Variants in MOB3B observed in about 807,000 individuals in gnomAD.
MOB3B encodes MOB kinase activator-like 2B.
MOB3B carries 7 observed loss-of-function variants against 18.7 expected under a neutral mutation model. The observed-to-expected ratio is 0.37, with a 90% confidence interval of 0.21 to 0.70. The LOEUF is 0.70. Among genes scored for constraint, MOB3B ranks in the 30% least tolerant of loss-of-function variants. The pLI is 0.52. For missense variants in MOB3B, 253 were observed against 281.3 expected (o/e 0.90, Z 0.72); for synonymous variants, 111 against 99.9 (o/e 1.11, Z -0.66).
chr9:27,523,554 C>T (rs1820375731), intron 1 of MOB3B, among the ~76,000 whole-genome samples: 1 of 152,030 alleles, frequency 6.6e-6, no homozygotes, highest in Non-Finnish European at 1.5e-5. Flanking sequence ...ATAAAACCCC[C>T]TCCAGGACTT....
At chr9:27,418,003 A>G (rs1822180435) in intron 2 of MOB3B, among the ~76,000 whole-genome samples, 1 of 145,070 alleles carries the variant, frequency 6.9e-6, no homozygotes, top group Non-Finnish European at 1.5e-5. Context: ...GAGGCAGGAG[A>G]ATAGCTTGAA....
At chr9:27,428,801 C>A (rs900916040) in intron 2 of MOB3B, among the ~76,000 whole-genome samples, 1 of 152,276 alleles carries the variant, frequency 6.6e-6, no homozygotes, top group South Asian at 2.1e-4. Flanking sequence ...TGGGCTGGAA[C>A]AATGGTAACC....
rs561784187 is a variant in MOB3B at position 27,517,701 on chromosome 9, T to C, written c.-199+11854A>G. On this transcript the variant is annotated intron_variant, in intron 1 of 3. Coordinates refer to ENST00000262244, the MANE Select transcript of MOB3B (RefSeq NM_024761.5). The stretch of plus-strand genomic sequence containing the variant: ...GTAGAATTACTGAACTGATCTGATA[T>C]TCAATTTAGATTAAAATATACTCAT... 9.5e-4 allele frequency among the ~76,000 whole-genome samples: 142 copies of C among 148,856 alleles called. 1 individual carries two copies. Among genetic ancestry groups the C allele is most frequent in the Non-Finnish European group, 1.7e-3 (112 of 67,286 alleles).
At position 27,529,550 on chromosome 9, in the gene MOB3B, C is replaced by G; in HGVS notation, c.-199+5G>C. ...TCCCCTAGCTTGGAGCGGGTTCTTA[C>G]TCACCGTGGGGTTTTACCTCCAGCC... is the stretch of plus-strand genomic sequence containing the variant. On this transcript the variant is annotated splice_donor_5th_base_variant and intron_variant, in intron 1 of 3. Transcript: ENST00000262244. 1 of 985,472 alleles carries G rather than the reference C, an allele frequency of 1.0e-6. No homozygotes were observed. Among genetic ancestry groups the G allele is most frequent in the Non-Finnish European group, 1.2e-6 (1 of 829,976 alleles). 61.0% of individuals were successfully genotyped at this position (985,472 alleles called of 1,614,324 possible).
chr9:27,386,140 C>A (rs536935167), intron 2 of MOB3B, among the ~76,000 whole-genome samples: 1 of 152,310 alleles, frequency 6.6e-6, no homozygotes, highest in East Asian at 1.9e-4. Context: ...AAGAATGAGT[C>A]CAAGTTTCGA....
At chr9:27,368,406 A>T (rs1821368676) in intron 2 of MOB3B, among the ~76,000 whole-genome samples, 1 of 151,928 alleles carries the variant, frequency 6.6e-6, no homozygotes, top group Non-Finnish European at 1.5e-5. Context: ...GGAGAGAGAG[A>T]GAAGCTTCGT....
intron 2 of MOB3B, among the ~76,000 whole-genome samples, chr9:27,376,407 G>C (rs1027123283): frequency 6.6e-6 from 1 of 152,178 alleles, no homozygotes; most frequent in Non-Finnish European, 1.5e-5. Context: ...AAATGAATGA[G>C]CACTATTTGT....
At chr9:27,428,603 C>T (rs1822372008) in intron 2 of MOB3B, among the ~76,000 whole-genome samples, 2 of 152,164 alleles carry the variant, frequency 1.3e-5, no homozygotes, top group African/African-American at 4.8e-5. Context: ...AAAGCCTAAA[C>T]AGAAGGAAGT....
intron 2 of MOB3B, among the ~76,000 whole-genome samples, chr9:27,451,262 T>C (rs1822778182): frequency 6.6e-6 from 1 of 152,162 alleles, no homozygotes; most frequent in Admixed American, 6.6e-5. Flanking sequence ...CTAAAAATGG[T>C]TAAAGAAATA....
intron 1 of MOB3B, among the ~76,000 whole-genome samples, chr9:27,486,480 C>T (rs1485382256): frequency 6.6e-6 from 1 of 152,204 alleles, no homozygotes; most frequent in African/African-American, 2.4e-5. Context: ...AGAATAACTT[C>T]CTGTGTCTTG....
chr9:27,435,448 C>T (rs903620810), intron 2 of MOB3B, among the ~76,000 whole-genome samples: 2 of 152,082 alleles, frequency 1.3e-5, no homozygotes, highest in African/African-American at 4.8e-5. Context: ...ATTATTTTTT[C>T]TCCATGACAC....
intron 1 of MOB3B, among the ~76,000 whole-genome samples, chr9:27,459,183 AC>A (rs1434407356): frequency 6.6e-6 from 1 of 152,194 alleles, no homozygotes; most frequent in African/African-American, 2.4e-5. Context: ...CTGTAAATGC[AC>A]CTGGACTTAC....
chr9:27,419,336 C>T (rs1175117872), intron 2 of MOB3B, among the ~76,000 whole-genome samples: 1 of 152,112 alleles, frequency 6.6e-6, no homozygotes, highest in Non-Finnish European at 1.5e-5. Context: ...AAAATAAGAG[C>T]TCACATAGCC....
At chr9:27,395,970 A>G (rs1404382292) in intron 2 of MOB3B, among the ~76,000 whole-genome samples, 1 of 151,978 alleles carries the variant, frequency 6.6e-6, no homozygotes, top group African/African-American at 2.4e-5. Flanking sequence ...AATCACAATT[A>G]TTGTGTTACT....
intron 2 of MOB3B, among the ~76,000 whole-genome samples, chr9:27,408,151 G>A (rs1822014809): frequency 6.6e-6 from 1 of 152,202 alleles, no homozygotes; most frequent in Non-Finnish European, 1.5e-5. Flanking sequence ...AATGTGATGA[G>A]CAGAGTAAAA....
chr9:27,515,756 C>T (rs1820222119), intron 1 of MOB3B, among the ~76,000 whole-genome samples: 2 of 152,216 alleles, frequency 1.3e-5, no homozygotes, highest in South Asian at 2.1e-4. Flanking sequence ...CCATTCTTTC[C>T]AACATGCTAG....
At chr9:27,333,757 CAGTAATTGATTCTATGA>C (rs1222466297) in intron 3 of MOB3B, among the ~76,000 whole-genome samples, 2 of 152,160 alleles carry the variant, frequency 1.3e-5, no homozygotes, top group Admixed American at 1.3e-4. Flanking sequence ...TAAAATAAAG[CAGTAATTGATTCTATGA>C]AGTCCCTGGT....
At chr9:27,434,313 G>C (rs1267891639) in intron 2 of MOB3B, among the ~76,000 whole-genome samples, 2 of 152,010 alleles carry the variant, frequency 1.3e-5, no homozygotes, top group East Asian at 1.9e-4. Context: ...TCTTTCCTCT[G>C]CTCATGAATA....
At chr9:27,464,721 C>A (rs1407353831) in intron 1 of MOB3B, among the ~76,000 whole-genome samples, 1 of 152,146 alleles carries the variant, frequency 6.6e-6, no homozygotes, top group Non-Finnish European at 1.5e-5. Context: ...TACAGTTCCA[C>A]ATGGCTGGGG....
Sources: allele counts gnomAD v4.1 joint callset (sites outside exome capture counted in the v4.1 genomes callset), GRCh38; gene constraint gnomAD v4.1.1; transcripts MANE v1.5; gene names NCBI Gene and HGNC (gene_info 2026-07-23, HGNC 2026-07-21).